Variants in ZNF556 observed in about 807,000 individuals in gnomAD.
ZNF556 encodes the protein zinc finger protein 556.
Under a neutral mutation model 13.6 loss-of-function variants are expected in ZNF556, and 11 were observed. That is an observed-to-expected ratio of 0.81 (90% CI 0.51 to 1.33). The LOEUF (loss-of-function observed/expected upper bound fraction) is 1.33. Among genes scored for constraint, ZNF556 ranks in the 40% most tolerant of loss-of-function variants. The pLI, the probability that ZNF556 is intolerant of heterozygous loss-of-function variation, is 0.00. For synonymous variants in ZNF556, 229 were observed against 207.8 expected (o/e 1.10, Z -0.88); for missense variants, 633 against 566.2 (o/e 1.12, Z -1.20).
At chr19:2,877,215 A>G (rs770590605) in intron 3 of ZNF556, 58 bp from the exon 4 acceptor site, 40 of 684,222 alleles carry the variant, frequency 5.8e-5, no homozygotes, top group Middle Eastern at 4.0e-4. Flanking sequence ...CATCTCAAGG[A>G]AAAAAAAAAA....
At chr19:2,871,609 C>G (rs759258992) in intron 1 of ZNF556, among the ~76,000 whole-genome samples, 1 of 152,054 alleles carries the variant, frequency 6.6e-6, no homozygotes, top group Non-Finnish European at 1.5e-5. Context: ...GCCAGGGGTT[C>G]GAGACCAGCC....
Position 2,873,500 on chromosome 19 carries a change from C to T in ZNF556, c.8C>T (p.Thr3Ile), listed in dbSNP as rs776473245. Reference sequence around the variant, plus strand: ...CACATATGTGGTTTGTTTTAGGACACAGTGGTCTTTGAAGACGTGGTTGTG... The same window carrying T: ...CACATATGTGGTTTGTTTTAGGACATAGTGGTCTTTGAAGACGTGGTTGTG... MD[T>I]VVFEDVVVDF... Residue 3 changes from threonine to isoleucine, a missense_variant, in exon 2 of 4, where the codon ACA becomes ATA. By Grantham distance (89) the Thr-to-Ile change is moderately conservative. Coordinates refer to ENST00000307635, the MANE Select transcript of ZNF556 (RefSeq NM_024967.3). The T allele has an allele frequency of 2.8e-5, 45 of 1,613,918 alleles. No homozygotes were observed. In the South Asian group the frequency reaches 3.6e-4, roughly 13 times the overall value.
chr19:2,871,095 CAG>C (rs1164308693), intron 1 of ZNF556, among the ~76,000 whole-genome samples: 2 of 146,028 alleles, frequency 1.4e-5, no homozygotes, highest in African/African-American at 5.1e-5. Flanking sequence ...TATGAAAACA[CAG>C]AGGTTGCAGT....
At chr19:2,876,445 C>T (rs1036546753) in intron 3 of ZNF556, among the ~76,000 whole-genome samples, 169 bp downstream of exon 3, 4 of 151,972 alleles carry the variant, frequency 2.6e-5, no homozygotes, top group African/African-American at 7.3e-5. Flanking sequence ...CAAAAATGGG[C>T]GCGGTGGCTC....
intron 1 of ZNF556, among the ~76,000 whole-genome samples, chr19:2,869,920 C>G (rs1441165439): frequency 6.6e-6 from 1 of 152,110 alleles, no homozygotes; most frequent in Non-Finnish European, 1.5e-5. Flanking sequence ...TCCTGTCACT[C>G]GACCCCCCTT....
Position 2,881,721 on chromosome 19 carries a change from C to G in ZNF556, c.*3392C>G, listed in dbSNP as rs975184667. 2.0e-5 allele frequency: 3 copies of G among 151,758 alleles called. No homozygotes were observed. Among genetic ancestry groups the G allele is most frequent in the Admixed American group, 6.6e-5 (1 of 15,216 alleles). The allele number at this position is 151,758 out of a possible 1,614,324, so 9.4% of individuals were successfully genotyped here. A position where few individuals can be genotyped will look rare whatever the true frequency, so the allele number is the denominator to read the frequency against. Reference sequence around the variant, plus strand: ...TCTCATCATGAATTCATTTATAGTTCCACCATGTAATATGTCTTAAATACT... The same window carrying G: ...TCTCATCATGAATTCATTTATAGTTGCACCATGTAATATGTCTTAAATACT... On this transcript the variant is annotated 3_prime_UTR_variant, in exon 4 of 4. Coordinates refer to ENST00000307635, the MANE Select transcript of ZNF556 (RefSeq NM_024967.3).
At chr19:2,871,803 G>A (rs953506371) in intron 1 of ZNF556, among the ~76,000 whole-genome samples, 4 of 152,132 alleles carry the variant, frequency 2.6e-5, no homozygotes, top group African/African-American at 7.2e-5. Context: ...CCACCAAGTC[G>A]CAGAGACCGG....
chr19:2,869,900 G>A (rs1482121349), intron 1 of ZNF556, among the ~76,000 whole-genome samples: 1 of 152,034 alleles, frequency 6.6e-6, no homozygotes, highest in Non-Finnish European at 1.5e-5. Flanking sequence ...ACAAAGTGAT[G>A]TGCCTCACTT....
Position 2,867,432 on chromosome 19 carries a change from C to G in ZNF556, c.3+8C>G, listed in dbSNP as rs775500735. ...AGGAACGGACAGGACATGGTGAGTG[C>G]AGGGCAGGAGCCGAGCCGGAGCCGG... On this transcript the variant is annotated splice_region_variant and intron_variant, in intron 1 of 3. Coordinates refer to ENST00000307635, the MANE Select transcript of ZNF556 (RefSeq NM_024967.3). 1.9e-6 allele frequency: 3 copies of G among 1,584,054 alleles called. No individual in the cohort carries two copies. Among genetic ancestry groups the G allele is most frequent in the Non-Finnish European group, 2.6e-6 (3 of 1,166,798 alleles).
rs796298000 is a variant in ZNF556 at position 2,881,848 on chromosome 19, T to G, written c.*3519T>G. On this transcript the variant is annotated 3_prime_UTR_variant, in exon 4 of 4. Transcript: ENST00000307635. Reference sequence around the variant, plus strand: ...CAGGACCAGGGGCAGTGGCTCACACTTGTAATTCCAAAGCTTCGGGAGGCT... The same window carrying G: ...CAGGACCAGGGGCAGTGGCTCACACGTGTAATTCCAAAGCTTCGGGAGGCT... 3 of 151,298 alleles carry G rather than the reference T, an allele frequency of 2.0e-5. No homozygotes were observed. The highest frequency in any genetic ancestry group is 7.3e-5 in the African/African-American group (3 of 41,240). The allele number at this position is 151,298 out of a possible 1,614,324, so 9.4% of individuals were successfully genotyped here.
Position 2,879,994 on chromosome 19 carries a change from T to G in ZNF556, c.*1665T>G, listed in dbSNP as rs371581973. 1 of 152,024 alleles carries G rather than the reference T, an allele frequency of 6.6e-6. No homozygotes were observed. The highest frequency in any genetic ancestry group is 1.5e-5 in the Non-Finnish European group (1 of 68,014). The allele number at this position is 152,024 out of a possible 1,614,324, so 9.4% of individuals were successfully genotyped here. A position where few individuals can be genotyped will look rare whatever the true frequency, so the allele number is the denominator to read the frequency against. On this transcript the variant is annotated 3_prime_UTR_variant, in exon 4 of 4. Transcript: ENST00000307635. Reference sequence around the variant, plus strand: ...GCAGTGAGCTGGAATCGTGCCACTGTACTCCAGCCTGGGCGAAAGAGCGAG... The same window carrying G: ...GCAGTGAGCTGGAATCGTGCCACTGGACTCCAGCCTGGGCGAAAGAGCGAG...
chr19:2,870,445 T>A (rs1047955879), intron 1 of ZNF556, among the ~76,000 whole-genome samples: 1 of 148,246 alleles, frequency 6.7e-6, no homozygotes, highest in Non-Finnish European at 1.5e-5. Context: ...GAGTGAGACC[T>A]TGTCTCTAAA....
At chr19:2,873,905 C>T (rs2087826992) in intron 2 of ZNF556, among the ~76,000 whole-genome samples, 1 of 152,064 alleles carries the variant, frequency 6.6e-6, no homozygotes, top group Non-Finnish European at 1.5e-5. Flanking sequence ...TACAGTGACC[C>T]ATGATCACAC....
At position 2,880,724 on chromosome 19, in the gene ZNF556, T is replaced by G. The variant is rs1172121553; in HGVS notation, c.*2395T>G. Reference sequence around the variant, plus strand: ...GCGGAGCTTGCCAAGATTGCGACACTGCACTCCAGCCTGGGTGACAGAGCG... The same window carrying G: ...GCGGAGCTTGCCAAGATTGCGACACGGCACTCCAGCCTGGGTGACAGAGCG... On this transcript the variant is annotated 3_prime_UTR_variant, in exon 4 of 4. Coordinates refer to ENST00000307635, the MANE Select transcript of ZNF556 (RefSeq NM_024967.3). 1 of 150,756 alleles carries G rather than the reference T, an allele frequency of 6.6e-6. No homozygotes were observed. Among genetic ancestry groups the G allele is most frequent in the Non-Finnish European group, 1.5e-5 (1 of 67,548 alleles). 9.3% of individuals were successfully genotyped at this position (150,756 alleles called of 1,614,324 possible). A position where few individuals can be genotyped will look rare whatever the true frequency, so the allele number is the denominator to read the frequency against.
At chr19:2,871,389 G>T (rs1350617326) in intron 1 of ZNF556, among the ~76,000 whole-genome samples, 1 of 152,182 alleles carries the variant, frequency 6.6e-6, no homozygotes, top group Non-Finnish European at 1.5e-5. Context: ...GTGATTGCCT[G>T]CGGCTGAGGG....
chr19:2,869,473 T>A (rs1409783931), intron 1 of ZNF556, among the ~76,000 whole-genome samples: 2 of 151,980 alleles, frequency 1.3e-5, no homozygotes, highest in African/African-American at 4.8e-5. Context: ...TTCATGCCAT[T>A]CTCCTGCCTC....
chr19:2,880,589 G>T lies in ZNF556; in HGVS notation c.*2260G>T, dbSNP rs1278630390. ...TCGAGACCATCCTGGCTAACACGGT[G>T]AAACCCCATCTCTACTAAAAATACA... On this transcript the variant is annotated 3_prime_UTR_variant, in exon 4 of 4. Coordinates refer to ENST00000307635, the MANE Select transcript of ZNF556 (RefSeq NM_024967.3). 2.0e-5 allele frequency: 3 copies of T among 152,114 alleles called. No individual in the cohort carries two copies. The highest frequency in any genetic ancestry group is 4.4e-5 in the Non-Finnish European group (3 of 68,078). The allele number at this position is 152,114 out of a possible 1,614,324, so 9.4% of individuals were successfully genotyped here. A position where few individuals can be genotyped will look rare whatever the true frequency, so the allele number is the denominator to read the frequency against.
chr19:2,877,892 G>A lies in ZNF556; in HGVS notation c.934G>A (p.Glu312Lys), dbSNP rs1171075647. The A allele has an allele frequency of 6.2e-7, 1 of 1,614,196 alleles. No individual in the cohort carries two copies. Among genetic ancestry groups the A allele is most frequent in the South Asian group, 1.1e-5 (1 of 91,092 alleles). Residue 312 changes from glutamate (E) to lysine (K), a missense_variant, in exon 4 of 4, where the codon GAG (glutamate) becomes AAG (lysine). Transcript: ENST00000307635. The stretch of plus-strand genomic sequence containing the variant: ...ACGACACGTGAGAATTCACAACGGG[G>A]AGAAACCCTATAAGTGTGGAAAATG... Reference protein sequence around the residue: ...FQRHVRIHNGEKPYKCGKCGK... With the variant: ...FQRHVRIHNGKKPYKCGKCGK...
At chr19:2,875,342 C>T (rs1331838305) in intron 2 of ZNF556, among the ~76,000 whole-genome samples, 2 of 151,884 alleles carry the variant, frequency 1.3e-5, no homozygotes, top group East Asian at 2.0e-4. Context: ...TACAGGCGCC[C>T]GCCACCACGC....
Sources: allele counts gnomAD v4.1 joint callset (sites outside exome capture counted in the v4.1 genomes callset), GRCh38; gene constraint gnomAD v4.1.1; transcripts MANE v1.5; gene names NCBI Gene and HGNC (gene_info 2026-07-23, HGNC 2026-07-21).